The following P4HA2 variants were observed in gnomAD, a reference collection of about 807,000 sequenced individuals.
P4HA2 encodes the protein prolyl 4-hydroxylase subunit alpha 2.
In P4HA2, 46 loss-of-function variants were observed where a neutral mutation model predicts 76.9. That is an observed-to-expected ratio of 0.60 (90% CI 0.47 to 0.76). P4HA2 has a LOEUF of 0.76. P4HA2 is among the 30% of genes least tolerant of loss of function. The pLI, the probability that P4HA2 is intolerant of heterozygous loss-of-function variation, is 0.00. For synonymous variants in P4HA2, 243 were observed against 254.0 expected (o/e 0.96, Z 0.41); for missense variants, 583 against 669.4 (o/e 0.87, Z 1.42).
At position 132,192,853 on chromosome 5, in the gene P4HA2, C is replaced by T. The variant is rs1273931848; in HGVS notation, c.*157G>A. The T allele has an allele frequency of 1.7e-6, 1 of 600,946 alleles. No individual in the cohort carries two copies. Among genetic ancestry groups the T allele is most frequent in the South Asian group, 2.2e-5 (1 of 46,488 alleles). 37.2% of individuals were successfully genotyped at this position (600,946 alleles called of 1,614,324 possible). A position where few individuals can be genotyped will look rare whatever the true frequency, so the allele number is the denominator to read the frequency against. On this transcript the variant is annotated 3_prime_UTR_variant, in exon 15 of 15. Transcript: ENST00000360568. Reference sequence around the variant, plus strand: ...TGAATGGAAGGGCTGGGACTTCAGTCACACAGGAGTCGCCCTAGTATGGTC... The same window carrying T: ...TGAATGGAAGGGCTGGGACTTCAGTTACACAGGAGTCGCCCTAGTATGGTC...
At chr5:132,222,999 T>A (rs115423753) in intron 1 of P4HA2, among the ~76,000 whole-genome samples, 1,914 of 152,344 alleles carry the variant, frequency 0.013, 43 homozygotes, top group African/African-American at 0.043. Context: ...CTATATTGGA[T>A]GCATCTTACG....
In P4HA2 at chr5:132,197,608, CAAAAAAAAAA is replaced by C. The variant is rs555319735; in HGVS notation, c.1365+703_1365+712del. Among the ~76,000 whole-genome samples the C allele has an allele frequency of 3.0e-3, 165 of 55,208 alleles. 1 individual carries two copies. Among genetic ancestry groups the C allele is most frequent in the African/African-American group, 0.011 (160 of 14,736 alleles). 36.2% of individuals were successfully genotyped at this position (55,208 alleles called of 152,430 possible). A position where few individuals can be genotyped will look rare whatever the true frequency, so the allele number is the denominator to read the frequency against. ...GGGTGACAGAGCAAGACTCCATCTC[CAAAAAAAAAA>C]AAAAAAAAAAAAAGAAGAAGAAGAA... On this transcript the variant is annotated intron_variant, in intron 12 of 14. Transcript: ENST00000360568.
chr5:132,192,951 G>T lies in P4HA2; in HGVS notation c.*59C>A. On this transcript the variant is annotated 3_prime_UTR_variant, in exon 15 of 15. Coordinates refer to ENST00000360568, the MANE Select transcript of P4HA2 (RefSeq NM_001017974.2). ...AGGAACATACAAAGGAACATACAAA[G>T]GTGTCTGTCACGTTGACATGGGCTG... The T allele has an allele frequency of 9.5e-7, 1 of 1,049,046 alleles. No homozygotes were observed. Among genetic ancestry groups the T allele is most frequent in the Non-Finnish European group, 1.5e-6 (1 of 664,130 alleles). The allele number at this position is 1,049,046 out of a possible 1,614,324, so 65.0% of individuals were successfully genotyped here.
At chr5:132,195,108 G>A (rs556030367) in intron 13 of P4HA2, 86 bp from the exon 14 acceptor site, 1 of 894,416 alleles carries the variant, frequency 1.1e-6, no homozygotes, top group Non-Finnish European at 1.9e-6. Flanking sequence ...GCTCTGCCCT[G>A]AGCAGAAACA....
intron 1 of P4HA2, among the ~76,000 whole-genome samples, chr5:132,225,047 A>G (rs1755166779): frequency 1.5e-5 from 1 of 67,156 alleles, no homozygotes; most frequent in Non-Finnish European, 3.1e-5. Context: ...CTCTGCTCTG[A>G]GGAAAAAAAA....
chr5:132,216,121 G>A (rs188676287), intron 4 of P4HA2, among the ~76,000 whole-genome samples: 29 of 124,212 alleles, frequency 2.3e-4, no homozygotes, highest in Non-Finnish European at 4.0e-4. Flanking sequence ...CCGAGATCCC[G>A]CCACTACACT....
At position 132,217,780 on chromosome 5, in the gene P4HA2, C is replaced by G; in HGVS notation, c.151G>C (p.Glu51Gln). ...VQSLKEYILV[E>Q]EAKLSKIKSW... ...TTAATCTTGGAAAGCTTGGCTTCCTCCACAAGGATGTACTCTTTCAGAGAC... is the reference window on the plus strand; with the variant it reads ...TTAATCTTGGAAAGCTTGGCTTCCTGCACAAGGATGTACTCTTTCAGAGAC... Residue 51 changes from glutamate (E) to glutamine (Q), a missense_variant, in exon 3 of 15, where the codon GAG becomes CAG. By Grantham distance (29) the Glu-to-Gln change is conservative. Coordinates refer to ENST00000360568, the MANE Select transcript of P4HA2 (RefSeq NM_001017974.2). 3 of 1,612,028 alleles carry G rather than the reference C, an allele frequency of 1.9e-6. No homozygotes were observed. The highest frequency in any genetic ancestry group is 2.5e-6 in the Non-Finnish European group (3 of 1,178,090).
intron 1 of P4HA2, among the ~76,000 whole-genome samples, chr5:132,222,612 G>A (rs1754794380): frequency 6.6e-6 from 1 of 152,222 alleles, no homozygotes; most frequent in Admixed American, 6.5e-5. Flanking sequence ...CCTTTTGAGT[G>A]TGTGACCAGG....
At chr5:132,197,334 G>A (rs889303950) in intron 12 of P4HA2, among the ~76,000 whole-genome samples, 2 of 152,090 alleles carry the variant, frequency 1.3e-5, no homozygotes, top group East Asian at 3.9e-4. Flanking sequence ...ATGGCAGGGC[G>A]CAGTGGCTCA....
rs547384515 is a variant in P4HA2, at chr5:132,216,558, T to C, written c.331+639A>G. Among the ~76,000 whole-genome samples, 8 of 152,332 alleles carry C rather than the reference T, an allele frequency of 5.3e-5. No homozygotes were observed. In the East Asian group the frequency reaches 7.7e-4, roughly 15 times the overall value. On this transcript the variant is annotated intron_variant, in intron 4 of 14. Transcript: ENST00000360568. ...ATTAAAATCATGTTGCAGAAGAACA[T>C]TGAATGGCATATAAAGAAGCTGAGA...
rs562665597 is a variant in P4HA2, at chr5:132,223,165, A to G, written c.-18-4521T>C. Among the ~76,000 whole-genome samples, 6 of 152,358 alleles carry G rather than the reference A, an allele frequency of 3.9e-5. No individual in the cohort carries two copies. The East Asian group carries it at 1.2e-3, about 29-fold the overall frequency. ...GTTGAAGTACCAGACTGGCCTCCCC[A>G]GTGGCTACCAAAGGGCCCTCATAGG... On this transcript the variant is annotated intron_variant, in intron 1 of 14. Coordinates refer to ENST00000360568, the MANE Select transcript of P4HA2 (RefSeq NM_001017974.2).
At chr5:132,207,141 T>C (rs1752314804) in intron 8 of P4HA2, among the ~76,000 whole-genome samples, 1 of 152,292 alleles carries the variant, frequency 6.6e-6, no homozygotes, top group East Asian at 1.9e-4. Context: ...TAAAATAATG[T>C]AACCAGTTAA....
At chr5:132,193,295 T>G in intron 14 of P4HA2, 1 of 482,694 alleles carries the variant, frequency 2.1e-6, no homozygotes, top group South Asian at 3.4e-5. Flanking sequence ...AAGATACATG[T>G]GTGCAGGTTG....
chr5:132,205,077 T>C (rs1178307826), intron 8 of P4HA2, among the ~76,000 whole-genome samples: 1 of 152,232 alleles, frequency 6.6e-6, no homozygotes, highest in Non-Finnish European at 1.5e-5. Context: ...GGCACTATGC[T>C]AGGTAACTGA....
Position 132,218,664 on chromosome 5 carries a change from A to G in P4HA2, c.-18-20T>C. On this transcript the variant is annotated intron_variant, in intron 1 of 14. Transcript: ENST00000360568. ...AAGTGTCTGAAAGGCATTCAATGACAATCACTGGATCAACAAAGTGAAAAA... is the reference window on the plus strand; with the variant it reads ...AAGTGTCTGAAAGGCATTCAATGACGATCACTGGATCAACAAAGTGAAAAA... The G allele has an allele frequency of 6.9e-7, 1 of 1,458,734 alleles. No individual in the cohort carries two copies. Among genetic ancestry groups the G allele is most frequent in the Non-Finnish European group, 9.6e-7 (1 of 1,038,456 alleles). The allele number at this position is 1,458,734 out of a possible 1,614,324, so 90.4% of individuals were successfully genotyped here.
rs1257080239 is a variant in P4HA2, at chr5:132,192,140, C to T, written c.*870G>A. ...GGAATGAGTACCACACATCATGAGA[C>T]AATGATTTATCTCCAAAGTGCTGGG... On this transcript the variant is annotated 3_prime_UTR_variant, in exon 15 of 15. Transcript: ENST00000360568. 1 of 152,152 alleles carries T rather than the reference C, an allele frequency of 6.6e-6. No homozygotes were observed. The highest frequency in any genetic ancestry group is 1.5e-5 in the Non-Finnish European group (1 of 68,034). 9.4% of individuals were successfully genotyped at this position (152,152 alleles called of 1,614,324 possible). A position where few individuals can be genotyped will look rare whatever the true frequency, so the allele number is the denominator to read the frequency against.
In P4HA2 at chr5:132,217,232, G is replaced by C; in HGVS notation, c.296C>G (p.Ala99Gly). ...LVKRLNTDWP[A>G]LEDLVLQDSA... ...GTCCTGCAGGACAAGGTCCTCCAGC[G>C]CAGGCCAGTCTGTGTTTAGCCGCTT... is the stretch of plus-strand genomic sequence containing the variant. Residue 99 changes from alanine to glycine, a missense_variant, in exon 4 of 15, where the codon GCG (alanine) becomes GGG (glycine). Ala to Gly is a moderately conservative substitution (Grantham distance 60). Transcript: ENST00000360568. The C allele has an allele frequency of 6.2e-7, 1 of 1,614,156 alleles. No individual in the cohort carries two copies. The highest frequency in any genetic ancestry group is 8.5e-7 in the Non-Finnish European group (1 of 1,180,008).
rs1197244935 is a variant in P4HA2, at chr5:132,190,610, A to G, written c.*2400T>C. ...AAGATAAACCTAAATGACAAAGACT[A>G]TATAGCTTTCAGAAGAGAACACAGG... On this transcript the variant is annotated 3_prime_UTR_variant, in exon 15 of 15. Transcript: ENST00000360568. 6.6e-6 allele frequency among the ~76,000 whole-genome samples: 1 copy of G among 152,252 alleles called. No individual in the cohort carries two copies. The highest frequency in any genetic ancestry group is 1.5e-5 in the Non-Finnish European group (1 of 68,046).
Position 132,218,106 on chromosome 5 carries a change from C to T in P4HA2, c.83-258G>A, listed in dbSNP as rs150151501. 9.2e-5 allele frequency among the ~76,000 whole-genome samples: 14 copies of T among 152,214 alleles called. No homozygotes were observed. The South Asian group carries it at 2.7e-3, about 29-fold the overall frequency. ...CACTGGATGTCACTCAAGAAGCAGC[C>T]CTAAATCTCATTCTCCGACTGTTAC... On this transcript the variant is annotated intron_variant, in intron 2 of 14. Coordinates refer to ENST00000360568, the MANE Select transcript of P4HA2 (RefSeq NM_001017974.2).
Sources: allele counts gnomAD v4.1 joint callset (sites outside exome capture counted in the v4.1 genomes callset), GRCh38; gene constraint gnomAD v4.1.1; transcripts MANE v1.5; gene names NCBI Gene and HGNC (gene_info 2026-07-23, HGNC 2026-07-21).